Variants in SDHAF4 observed in about 807,000 individuals in gnomAD.
SDHAF4 encodes succinate dehydrogenase complex assembly factor 4.
In SDHAF4, 14 loss-of-function variants were observed where a neutral mutation model predicts 14.3. That is an observed-to-expected ratio of 0.98 (90% CI 0.65 to 1.53). SDHAF4 has a LOEUF of 1.53. Ranked by LOEUF, SDHAF4 falls within the 40% of genes most tolerant of loss-of-function variation. SDHAF4 has a pLI of 0.00. For synonymous variants in SDHAF4, 63 were observed against 47.3 expected, an observed-to-expected ratio of 1.33 and a Z score of -1.36; for missense variants, 141 against 129.3, an observed-to-expected ratio of 1.09 and a Z score of -0.44.
chr6:70,585,969 T>C (rs1302801094), intron 2 of SDHAF4, among the ~76,000 whole-genome samples: 3 of 152,236 alleles, frequency 2.0e-5, no homozygotes, highest in African/African-American at 4.8e-5. Context: ...AATCTGTCTT[T>C]TGTCAGTTGA....
chr6:70,572,058 C>CTTTTTTTTTTTTTTTTTTTTTT (rs66688860), intron 1 of SDHAF4, among the ~76,000 whole-genome samples: 2 of 53,506 alleles, frequency 3.7e-5, no homozygotes, highest in Non-Finnish European at 6.4e-5. Context: ...CTTTTTTTGT[C>CTTTTTTTTTTTTTTTTTTTTTT]TTTTTTTTTT....
intron 1 of SDHAF4, among the ~76,000 whole-genome samples, chr6:70,578,256 T>C (rs1802280233): frequency 6.6e-6 from 1 of 152,238 alleles, no homozygotes; most frequent in African/African-American, 2.4e-5. Flanking sequence ...AACTTTTTAA[T>C]AATAGCCATT....
chr6:70,583,887 A>G (rs1457377911), intron 2 of SDHAF4, among the ~76,000 whole-genome samples: 1 of 152,220 alleles, frequency 6.6e-6, no homozygotes, highest in East Asian at 1.9e-4. Context: ...CCCAGGTTAC[A>G]GTGTAAGGGC....
intron 2 of SDHAF4, among the ~76,000 whole-genome samples, chr6:70,587,559 A>G (rs7739098): frequency 0.41 from 62,024 of 151,658 alleles, 13,326 homozygotes; most frequent in African/African-American, 0.53. Context: ...TGTTTTTTCC[A>G]TATACAGAGC....
chr6:70,588,699 G>A lies in SDHAF4; in HGVS notation c.302G>A (p.Arg101Gln), dbSNP rs760562993. 29 of 1,605,588 alleles carry A rather than the reference G, an allele frequency of 1.8e-5. No homozygotes were observed. The highest frequency in any genetic ancestry group is 1.7e-4 in the Middle Eastern group (1 of 6,020). ...PEPTRYGDWE[R>Q]KGRCIDF Reference sequence around the variant, plus strand: ...CCTACCCGATATGGAGATTGGGAACGAAAAGGACGCTGTATTGATTTTTAA... The same window carrying A: ...CCTACCCGATATGGAGATTGGGAACAAAAAGGACGCTGTATTGATTTTTAA... The change falls in exon 3 of 3, where the codon CGA becomes CAA. Residue 101 changes from arginine to glutamine, a missense_variant. By Grantham distance (43) the Arg-to-Gln change is conservative. Transcript: ENST00000370474.
At chr6:70,578,974 C>T (rs1802288677) in intron 1 of SDHAF4, among the ~76,000 whole-genome samples, 1 of 152,124 alleles carries the variant, frequency 6.6e-6, no homozygotes, top group African/African-American at 2.4e-5. Flanking sequence ...TGCCACCATG[C>T]CCAACTTGAT....
Position 70,567,101 on chromosome 6 carries a change from G to A in SDHAF4, c.64+97G>A, listed in dbSNP as rs542473302. ...CCGCGGAGGAAGCCGCGTGTGTCCT[G>A]GCCGTTCGGTGTTGCCAGGGGCTGC... On this transcript the variant is annotated intron_variant, in intron 1 of 2. Coordinates refer to ENST00000370474, the MANE Select transcript of SDHAF4 (RefSeq NM_145267.3). 2.8e-4 allele frequency: 350 copies of A among 1,248,326 alleles called. No individual in the cohort carries two copies. The African/African-American group carries it at 4.4e-3, about 16-fold the overall frequency. 77.3% of individuals were successfully genotyped at this position (1,248,326 alleles called of 1,614,324 possible).
chr6:70,592,129 C>T (rs888102029), downstream of SDHAF4, among the ~76,000 whole-genome samples: 1 of 152,190 alleles, frequency 6.6e-6, no homozygotes, highest in Non-Finnish European at 1.5e-5. Context: ...TTCTAGCCTC[C>T]AAAACCATAA....
At chr6:70,584,281 C>A (rs1279059765) in intron 2 of SDHAF4, among the ~76,000 whole-genome samples, 2 of 152,156 alleles carry the variant, frequency 1.3e-5, no homozygotes, top group African/African-American at 2.4e-5. Context: ...TCCCACAGTG[C>A]TGGGGTTACA....
rs1581933783 is a variant in SDHAF4, at chr6:70,589,409, A to C, written c.*685A>C. The C allele has an allele frequency of 6.6e-6, 1 of 152,032 alleles. No homozygotes were observed. The highest frequency in any genetic ancestry group is 2.4e-5 in the African/African-American group (1 of 41,368). 9.4% of individuals were successfully genotyped at this position (152,032 alleles called of 1,614,324 possible). A position where few individuals can be genotyped will look rare whatever the true frequency, so the allele number is the denominator to read the frequency against. On this transcript the variant is annotated 3_prime_UTR_variant, in exon 3 of 3. Transcript: ENST00000370474. ...TCGAACTCCTGACCTCAGTTGATCC[A>C]CCTGCCTCAGCCTCCCAAAGTGCTG...
chr6:70,574,731 A>T (rs1426490621), intron 1 of SDHAF4, among the ~76,000 whole-genome samples: 1 of 152,064 alleles, frequency 6.6e-6, no homozygotes, highest in Non-Finnish European at 1.5e-5. Context: ...GGAGTTTAAG[A>T]CCAGCCTGGG....
Position 70,579,462 on chromosome 6 carries a change from G to A in SDHAF4, c.113G>A (p.Gly38Glu). ...CTGAGGAAAACAAGTTCTTCTCAAG[G>A]AGGAAAGTCTGAACTTGTCAAACAG... The part of the protein sequence containing the change: ...HSLRKTSSSQ[G>E]GKSELVKQSL... The change falls in exon 2 of 3, where the codon GGA (glycine) becomes GAA (glutamate). Residue 38 changes from glycine to glutamate, a missense_variant. Coordinates refer to ENST00000370474, the MANE Select transcript of SDHAF4 (RefSeq NM_145267.3). 1.2e-6 allele frequency: 2 copies of A among 1,609,370 alleles called. No individual in the cohort carries two copies. The highest frequency in any genetic ancestry group is 1.1e-5 in the South Asian group (1 of 90,346).
At chr6:70,575,610 T>C (rs1378091150) in intron 1 of SDHAF4, among the ~76,000 whole-genome samples, 1 of 152,204 alleles carries the variant, frequency 6.6e-6, no homozygotes, top group Non-Finnish European at 1.5e-5. Flanking sequence ...TTTGATTTTG[T>C]TTTACCTTTT....
At chr6:70,595,097 G>A in the SDHAF4 span, among the ~76,000 whole-genome samples, 1 of 152,082 alleles carries the variant, frequency 6.6e-6, no homozygotes, top group Admixed American at 6.5e-5. Flanking sequence ...TGATAAGTGG[G>A]TCAGGAAAAG....
chr6:70,569,243 C>T (rs910683931), intron 1 of SDHAF4, among the ~76,000 whole-genome samples: 4 of 151,770 alleles, frequency 2.6e-5, no homozygotes, highest in African/African-American at 9.7e-5. Context: ...GGATTACAGG[C>T]GTGAGCCACC....
intron 1 of SDHAF4, among the ~76,000 whole-genome samples, chr6:70,570,054 G>A (rs9455163): frequency 6.6e-6 from 1 of 151,716 alleles, no homozygotes; most frequent in African/African-American, 2.4e-5. Flanking sequence ...TATACATATA[G>A]GCATACGTTT....
chr6:70,569,672 A>AT (rs1802156017), intron 1 of SDHAF4, among the ~76,000 whole-genome samples: 1 of 152,262 alleles, frequency 6.6e-6, no homozygotes, highest in Non-Finnish European at 1.5e-5. Context: ...GCAGAATAGA[A>AT]TAACGGGTCT....
the SDHAF4 span, among the ~76,000 whole-genome samples, chr6:70,598,095 A>G: frequency 2.0e-4 from 31 of 152,298 alleles, no homozygotes; most frequent in Non-Finnish European, 2.9e-5. Context: ...TTTCATTTGC[A>G]GGCCGGATGT....
At chr6:70,567,167 A>G (rs1342442243) in intron 1 of SDHAF4, among the ~76,000 whole-genome samples, 163 bp downstream of exon 1, 2 of 152,220 alleles carry the variant, frequency 1.3e-5, no homozygotes, top group Non-Finnish European at 2.9e-5. Flanking sequence ...TGGCCTGGGC[A>G]GGTTCCTGCA....
Sources: gnomAD v4.1 joint callset for allele counts (sites outside exome capture counted in the v4.1 genomes callset) on GRCh38, gnomAD v4.1.1 for gene constraint, MANE v1.5 for transcripts, NCBI Gene and HGNC (gene_info 2026-07-23, HGNC 2026-07-21) for gene names.